Variants in ZMYND8 observed in about 807,000 individuals in gnomAD.
ZMYND8 encodes MYND-type zinc finger-containing chromatin reader ZMYND8.
ZMYND8 carries 37 observed loss-of-function variants against 140.8 expected under a neutral mutation model. The observed-to-expected ratio is 0.26, with a 90% CI of 0.20 to 0.35. The LOEUF is 0.35. Among genes scored for constraint, ZMYND8 ranks in the 10% least tolerant of loss-of-function variants. ZMYND8 has a pLI of 1.00. For missense variants in ZMYND8, 1,068 were observed against 1,570.0 expected (o/e 0.68, Z 5.40); for synonymous variants, 592 against 597.1 (o/e 0.99, Z 0.12).
At position 47,238,999 on chromosome 20, in the gene ZMYND8, C is replaced by A. The variant is rs756560198; in HGVS notation, c.2424G>T (p.Thr808=). 1 of 1,607,922 alleles carries A rather than the reference C, an allele frequency of 6.2e-7. No individual in the cohort carries two copies. The highest frequency in any genetic ancestry group is 8.5e-7 in the Non-Finnish European group (1 of 1,175,246). ...TTSTSSTVTV[T]APAPAATGSP... is the part of the protein sequence containing the mutation. Reference sequence around the variant, plus strand: ...TTCCTGTGGCGGCGGGGGCCGGGGCCGTGACGGTGACCGTGGAGGACGTGC... The same window carrying A: ...TTCCTGTGGCGGCGGGGGCCGGGGCAGTGACGGTGACCGTGGAGGACGTGC... The change falls in exon 15 of 23, where the codon ACG becomes ACT. Residue 808 remains threonine, a synonymous_variant. Coordinates refer to ENST00000471951, the MANE Select transcript of ZMYND8 (RefSeq NM_001281775.3).
In ZMYND8 at chr20:47,320,914, C is replaced by T. The variant is rs573260792; in HGVS notation, c.86-10710G>A. 3.4e-4 allele frequency among the ~76,000 whole-genome samples: 52 copies of T among 152,132 alleles called. 1 individual carries two copies. The highest frequency in any genetic ancestry group is 1.5e-3 in the South Asian group (7 of 4,818). On this transcript the variant is annotated intron_variant, in intron 2 of 22. Coordinates refer to ENST00000471951, the MANE Select transcript of ZMYND8 (RefSeq NM_001281775.3). ...CATATGTGAAACATCATGATGCAGC[C>T]ATAAAATGGAATAAAGATGGAATCC... is the stretch of plus-strand genomic sequence containing the variant.
intron 3 of ZMYND8, among the ~76,000 whole-genome samples, chr20:47,302,472 T>C (rs1000830926): frequency 9.2e-5 from 14 of 152,082 alleles, no homozygotes; most frequent in Non-Finnish European, 1.6e-4. Context: ...AATATATATC[T>C]ATGTGTTTAG....
At chr20:47,228,444 G>A (rs2038010958) in intron 17 of ZMYND8, among the ~76,000 whole-genome samples, 1 of 152,076 alleles carries the variant, frequency 6.6e-6, no homozygotes, top group African/African-American at 2.4e-5. Context: ...AAAAATTCTG[G>A]CATACATCCA....
intron 7 of ZMYND8, among the ~76,000 whole-genome samples, chr20:47,287,491 G>A (rs1259277046): frequency 2.0e-5 from 3 of 152,160 alleles, no homozygotes; most frequent in African/African-American, 7.2e-5. Flanking sequence ...GCGCCTCGAT[G>A]TCATCTTCTC....
chr20:47,258,921 C>G (rs992684834), intron 12 of ZMYND8, among the ~76,000 whole-genome samples: 2 of 152,084 alleles, frequency 1.3e-5, no homozygotes, highest in African/African-American at 4.8e-5. Context: ...CTTGTTCCTG[C>G]TGACGAAGAT....
chr20:47,324,458 G>T (rs1321997305), intron 2 of ZMYND8, among the ~76,000 whole-genome samples: 2 of 152,172 alleles, frequency 1.3e-5, no homozygotes, highest in Non-Finnish European at 2.9e-5. Flanking sequence ...GGCGGAGGCT[G>T]TAGTGAGCCG....
intron 2 of ZMYND8, among the ~76,000 whole-genome samples, chr20:47,313,425 A>G (rs936162826): frequency 7.3e-5 from 11 of 151,488 alleles, no homozygotes; most frequent in South Asian, 6.2e-4. Flanking sequence ...GATCGAGACC[A>G]TCCTGGCTAA....
intron 1 of ZMYND8, chr20:47,354,526 TTTACTC>T (rs1197025180): frequency 6.6e-6 from 1 of 152,186 alleles, no homozygotes; most frequent in African/African-American, 2.4e-5. Context: ...TGCCTGCAGT[TTTACTC>T]TAAGAAGCTA....
chr20:47,235,250 C>G (rs2039073336), intron 16 of ZMYND8, among the ~76,000 whole-genome samples: 1 of 152,152 alleles, frequency 6.6e-6, no homozygotes, highest in Non-Finnish European at 1.5e-5. Flanking sequence ...TGGCAGTGAG[C>G]AAAACAGACA....
Position 47,218,423 on chromosome 20 carries a change from G to A in ZMYND8, c.3484+1835C>T, listed in dbSNP as rs182097801. On this transcript the variant is annotated intron_variant, in intron 21 of 22. Coordinates refer to ENST00000471951, the MANE Select transcript of ZMYND8 (RefSeq NM_001281775.3). Reference sequence around the variant, plus strand: ...CACATCCATAGTCCTCTTACATATTGCTTAGTTCATGTTTTTATTTTAAAC... The same window carrying A: ...CACATCCATAGTCCTCTTACATATTACTTAGTTCATGTTTTTATTTTAAAC... Among the ~76,000 whole-genome samples the A allele has an allele frequency of 2.0e-5, 3 of 152,198 alleles. No homozygotes were observed. The East Asian group carries it at 5.8e-4, about 29-fold the overall frequency.
At chr20:47,273,377 C>A (rs1314627997) in intron 11 of ZMYND8, among the ~76,000 whole-genome samples, 1 of 151,996 alleles carries the variant, frequency 6.6e-6, no homozygotes, top group Non-Finnish European at 1.5e-5. Flanking sequence ...GAAACCCTGT[C>A]TCTACTAAAA....
At chr20:47,289,228 A>G (rs1178270522) in intron 7 of ZMYND8, among the ~76,000 whole-genome samples, 1 of 152,250 alleles carries the variant, frequency 6.6e-6, no homozygotes, top group Non-Finnish European at 1.5e-5. Context: ...ACTGATCATT[A>G]GGAAAAGGCA....
chr20:47,291,475 C>T (rs1339978087), intron 6 of ZMYND8, among the ~76,000 whole-genome samples: 2 of 152,118 alleles, frequency 1.3e-5, no homozygotes, highest in African/African-American at 4.8e-5. Flanking sequence ...TTAGCACCTC[C>T]GAAAGAAAGA....
intron 2 of ZMYND8, among the ~76,000 whole-genome samples, chr20:47,345,848 G>A (rs2082293008): frequency 6.7e-6 from 1 of 149,268 alleles, no homozygotes. Flanking sequence ...CGGGAGGGGG[G>A]GGTCTCGTTA....
chr20:47,236,951 G>A (rs943837650), intron 15 of ZMYND8, among the ~76,000 whole-genome samples: 4 of 152,056 alleles, frequency 2.6e-5, no homozygotes, highest in Admixed American at 6.6e-5. Flanking sequence ...GGCCCAACTC[G>A]CTCCCATCCC....
chr20:47,275,612 G>T (rs1433746040), intron 11 of ZMYND8, among the ~76,000 whole-genome samples: 2 of 150,750 alleles, frequency 1.3e-5, no homozygotes, highest in Non-Finnish European at 2.9e-5. Context: ...TTTGTTTTTT[G>T]AGACAGGGTC....
At chr20:47,349,822 G>A (rs1305841078) in intron 1 of ZMYND8, 5 of 1,532,640 alleles carry the variant, frequency 3.3e-6, no homozygotes, top group Admixed American at 2.0e-5. Flanking sequence ...ACAGTGGTGA[G>A]GGAAACAATT....
rs1449678304 is a variant in ZMYND8 at position 47,239,061 on chromosome 20, C to T, written c.2362G>A (p.Ala788Thr). 9 of 1,566,292 alleles carry T rather than the reference C, an allele frequency of 5.7e-6. No individual in the cohort carries two copies. Among genetic ancestry groups the T allele is most frequent in the Non-Finnish European group, 7.8e-6 (9 of 1,154,852 alleles). ...GTGGCGCCAGCCGCGGAAGTTTGGG[C>T]GGAAGAGCGGGTGAGCACCGGTGTT... is the stretch of plus-strand genomic sequence containing the variant. Reference protein sequence around the residue: ...PETPVLTRSSAQTSAAGATAT... With the variant: ...PETPVLTRSSTQTSAAGATAT... Residue 788 changes from alanine (A) to threonine (T), a missense_variant, in exon 15 of 23, where the codon GCC (alanine) becomes ACC (threonine). Coordinates refer to ENST00000471951, the MANE Select transcript of ZMYND8 (RefSeq NM_001281775.3).
chr20:47,279,560 TAG>T, intron 10 of ZMYND8, among the ~76,000 whole-genome samples: 1 of 148,300 alleles, frequency 6.7e-6, no homozygotes, highest in East Asian at 2.0e-4. Context: ...CTTGACAAAA[TAG>T]AGTCTCTGCG....
Sources: allele counts gnomAD v4.1 joint callset (sites outside exome capture counted in the v4.1 genomes callset), GRCh38; gene constraint gnomAD v4.1.1; transcripts MANE v1.5; gene names NCBI Gene and HGNC (gene_info 2026-07-23, HGNC 2026-07-21).